Variants in ALG5 observed in about 807,000 individuals in gnomAD.
The protein encoded by ALG5 is ALG5 dolichyl-phosphate beta-glucosyltransferase.
In ALG5, 26 loss-of-function variants were observed where a neutral mutation model predicts 51.8. That is an observed-to-expected ratio of 0.50 (90% CI 0.37 to 0.70). The LOEUF is 0.70. Among genes scored for constraint, ALG5 ranks in the 30% least tolerant of loss-of-function variants. The pLI is 0.00. For missense variants in ALG5, 311 were observed against 399.3 expected, an observed-to-expected ratio of 0.78 and a Z score of 1.88; for synonymous variants, 141 against 136.1, an observed-to-expected ratio of 1.04 and a Z score of -0.25.
chr13:36,979,360 G>A lies in ALG5; in HGVS notation c.561+6267C>T, dbSNP rs114286749. 4.0e-3 allele frequency among the ~76,000 whole-genome samples: 603 copies of A among 152,240 alleles called. 5 individuals are homozygous for A. Among genetic ancestry groups the A allele is most frequent in the African/African-American group, 0.014 (581 of 41,546 alleles). On this transcript the variant is annotated intron_variant, in intron 6 of 9. Transcript: ENST00000239891. ...GGTGTCTAAAACAAATGACTTTGGA[G>A]GTTGAGTTCTCTTTTGGAAGCCTGC...
At chr13:36,995,372 T>G (rs2059044282) in intron 2 of ALG5, 53 bp downstream of exon 2, 1 of 1,549,716 alleles carries the variant, frequency 6.5e-7, no homozygotes, top group Middle Eastern at 1.7e-4. Context: ...TACTTTAAAT[T>G]TCCTTTTCTT....
chr13:36,997,552 A>G (rs951534846), intron 1 of ALG5, among the ~76,000 whole-genome samples: 6 of 152,078 alleles, frequency 3.9e-5, no homozygotes, highest in Admixed American at 2.6e-4. Flanking sequence ...CAAGACATCA[A>G]CAGAGTACAA....
chr13:36,954,640 G>A (rs2138778705), intron 8 of ALG5, among the ~76,000 whole-genome samples: 1 of 152,280 alleles, frequency 6.6e-6, no homozygotes, highest in South Asian at 2.1e-4. Context: ...CTTCTATACA[G>A]AGCCTTATGT....
intron 8 of ALG5, among the ~76,000 whole-genome samples, chr13:36,957,471 T>G (rs576006260): frequency 6.6e-6 from 1 of 152,170 alleles, no homozygotes; most frequent in South Asian, 2.1e-4. Flanking sequence ...CTTTCAAGGC[T>G]GCGGTAACCC....
chr13:36,983,821 G>A (rs959270584), intron 6 of ALG5, among the ~76,000 whole-genome samples: 2 of 151,944 alleles, frequency 1.3e-5, no homozygotes, highest in African/African-American at 4.8e-5. Context: ...TACAAGGGAT[G>A]GGGATGGATG....
At chr13:36,964,971 G>A (rs2138790791) in intron 8 of ALG5, among the ~76,000 whole-genome samples, 2 of 151,632 alleles carry the variant, frequency 1.3e-5, no homozygotes, top group Non-Finnish European at 2.9e-5. Flanking sequence ...TGAAGAAGGT[G>A]GGGTGAGGAG....
chr13:36,995,922 T>G (rs1487525860), intron 1 of ALG5, among the ~76,000 whole-genome samples: 2 of 152,298 alleles, frequency 1.3e-5, no homozygotes, highest in Admixed American at 1.3e-4. Context: ...TACTCTCAGG[T>G]GCCCTAAAAC....
intron 6 of ALG5, among the ~76,000 whole-genome samples, chr13:36,977,020 C>T (rs936327258): frequency 1.3e-5 from 2 of 152,152 alleles, no homozygotes; most frequent in African/African-American, 4.8e-5. Flanking sequence ...TGTAATTTAA[C>T]TAAAAACAAA....
chr13:36,999,294 G>C lies in ALG5; in HGVS notation c.7C>G (p.Pro3Ala), dbSNP rs535486849. The C allele has an allele frequency of 3.2e-6, 5 of 1,575,500 alleles. No individual in the cohort carries two copies. The highest frequency in any genetic ancestry group is 3.7e-5 in the Admixed American group (2 of 54,278). Reference protein sequence around the residue: MAPLLLQLAVLGA... With the variant: MAALLLQLAVLGA... ...AGCACCGCCAGCTGCAACAGAAGCG[G>C]AGCCATTCTCCATGCCGTGGCAGCC... The change falls in exon 1 of 10, where the codon CCG becomes GCG. Residue 3 changes from proline (P) to alanine (A), a missense_variant. Transcript: ENST00000239891.
At chr13:36,960,229 T>C (rs1361965791) in intron 8 of ALG5, among the ~76,000 whole-genome samples, 1 of 152,198 alleles carries the variant, frequency 6.6e-6, no homozygotes, top group Admixed American at 6.5e-5. Context: ...TACAGAACTT[T>C]AAGAGAACTT....
intron 1 of ALG5, among the ~76,000 whole-genome samples, chr13:36,998,424 G>A (rs1196103331): frequency 1.3e-5 from 2 of 152,138 alleles, no homozygotes; most frequent in East Asian, 1.9e-4. Flanking sequence ...TGCTGTCTAG[G>A]TGGCTAATCT....
intron 8 of ALG5, among the ~76,000 whole-genome samples, chr13:36,957,714 C>A (rs1042573126): frequency 6.6e-6 from 1 of 152,154 alleles, no homozygotes; most frequent in African/African-American, 2.4e-5. Context: ...GACAGCCACT[C>A]CTAACCAATG....
intron 8 of ALG5, among the ~76,000 whole-genome samples, chr13:36,959,751 A>AG (rs1444623968): frequency 2.0e-5 from 3 of 152,124 alleles, no homozygotes; most frequent in Non-Finnish European, 2.9e-5. Flanking sequence ...AACAAATGTG[A>AG]GGGTAGAATC....
At chr13:36,958,710 G>GGA (rs747989899) in intron 8 of ALG5, among the ~76,000 whole-genome samples, 4 of 152,164 alleles carry the variant, frequency 2.6e-5, no homozygotes, top group Non-Finnish European at 5.9e-5. Context: ...AGCCTAGCTG[G>GGA]GAAAGGTGAC....
At chr13:36,954,986 A>C (rs987328178) in intron 8 of ALG5, among the ~76,000 whole-genome samples, 1 of 152,208 alleles carries the variant, frequency 6.6e-6, no homozygotes, top group Admixed American at 6.5e-5. Context: ...CAGTGGGAGA[A>C]GGGTGCCACA....
chr13:36,969,836 A>G (rs552266415), intron 7 of ALG5, among the ~76,000 whole-genome samples: 5 of 152,090 alleles, frequency 3.3e-5, no homozygotes, highest in Admixed American at 1.3e-4. Context: ...TGTCCAGCCT[A>G]TTTGTTATTT....
intron 4 of ALG5, among the ~76,000 whole-genome samples, chr13:36,989,812 T>C (rs1392725143): frequency 6.6e-6 from 1 of 152,102 alleles, no homozygotes; most frequent in Non-Finnish European, 1.5e-5. Context: ...CAGTGGGCAA[T>C]GACCTTCTTT....
chr13:36,990,519 C>G (rs1593684589), intron 4 of ALG5, among the ~76,000 whole-genome samples: 1 of 152,224 alleles, frequency 6.6e-6, no homozygotes, highest in African/African-American at 2.4e-5. Flanking sequence ...TAATGGGAAA[C>G]CCCTGGCCAT....
intron 6 of ALG5, among the ~76,000 whole-genome samples, chr13:36,979,774 C>T (rs1281608235): frequency 1.3e-5 from 2 of 152,060 alleles, no homozygotes; most frequent in Non-Finnish European, 2.9e-5. Context: ...AAGGGCCAGG[C>T]GTGGTGACTC....
Sources: gnomAD v4.1 joint callset for allele counts (sites outside exome capture counted in the v4.1 genomes callset) on GRCh38, gnomAD v4.1.1 for gene constraint, MANE v1.5 for transcripts, NCBI Gene and HGNC (gene_info 2026-07-23, HGNC 2026-07-21) for gene names.